Variants in ZFYVE26 observed in about 807,000 individuals in gnomAD.
ZFYVE26 encodes the protein zinc finger FYVE domain-containing protein 26.
In ZFYVE26, 181 loss-of-function variants were observed where a neutral mutation model predicts 276.5. That is an observed-to-expected ratio of 0.65 (90% confidence interval 0.58 to 0.74). The LOEUF (loss-of-function observed/expected upper bound fraction) is 0.74, where lower values mean the gene tolerates loss of function less well. ZFYVE26 is among the 30% of genes least tolerant of loss of function. The probability of loss-of-function intolerance (pLI) is 0.00; values close to 1 mark genes in which losing one functional copy is unlikely to be tolerated. For missense variants in ZFYVE26, 2,821 were observed against 3,097.9 expected, an observed-to-expected ratio of 0.91 and a Z score of 2.12; for synonymous variants, 1,129 against 1,203.1, an observed-to-expected ratio of 0.94 and a Z score of 1.27.
intron 32 of ZFYVE26, 148 bp downstream of exon 32, chr14:67,766,079 C>A (rs897166770): frequency 3.6e-6 from 3 of 823,216 alleles, no homozygotes; most frequent in African/African-American, 3.4e-5. Context: ...TCTGGCAACA[C>A]CGTTTCATCA....
intron 13 of ZFYVE26, chr14:67,733,757 G>C: frequency 1.2e-6 from 2 of 1,612,794 alleles, no homozygotes; most frequent in Non-Finnish European, 1.7e-6. Context: ...GACTGCAAGA[G>C]GACCTGGGTG....
At chr14:67,749,582 G>A (rs1367872228) in intron 41 of ZFYVE26, among the ~76,000 whole-genome samples, 1 of 152,166 alleles carries the variant, frequency 6.6e-6, no homozygotes, top group Non-Finnish European at 1.5e-5. Context: ...ATCCCTGTTG[G>A]TTAGTGGAGG....
chr14:67,807,116 AT>A (rs941593034), intron 5 of ZFYVE26, among the ~76,000 whole-genome samples: 29 of 151,810 alleles, frequency 1.9e-4, no homozygotes, highest in African/African-American at 7.0e-4. Context: ...TAATTTCTAA[AT>A]TTTTTTTGTA....
intron 13 of ZFYVE26, among the ~76,000 whole-genome samples, chr14:67,737,068 G>C (rs2038360567): frequency 6.7e-6 from 1 of 149,448 alleles, no homozygotes; most frequent in African/African-American, 2.5e-5. Context: ...GAGAATAAGT[G>C]CTTCATTTCT....
Position 67,790,530 on chromosome 14 carries a change from C to T in ZFYVE26, c.2755+42G>A, listed in dbSNP as rs777275157. 1.9e-6 allele frequency: 3 copies of T among 1,608,194 alleles called. No homozygotes were observed. The South Asian group carries it at 3.3e-5, about 18-fold the overall frequency. ...GGTTTCTCCCCTTTTACCCCCTCTC[C>T]CAGCCACCTCACCACTTATGGTGTT... On this transcript the variant is annotated intron_variant, in intron 15 of 41. Coordinates refer to ENST00000347230, the MANE Select transcript of ZFYVE26 (RefSeq NM_015346.4).
chr14:67,769,491 T>C (rs2039146841), intron 29 of ZFYVE26, 103 bp downstream of exon 29: 1 of 1,540,444 alleles, frequency 6.5e-7, no homozygotes. Flanking sequence ...GTTAAACATT[T>C]CTGGATTTGA....
intron 9 of ZFYVE26, 115 bp downstream of exon 9, chr14:67,803,986 T>C: frequency 7.0e-7 from 1 of 1,437,220 alleles, no homozygotes; most frequent in Non-Finnish European, 9.8e-7. Flanking sequence ...GGAGACCTCC[T>C]CACCACCCTC....
At position 67,733,486 on chromosome 14, in the gene ZFYVE26, G is replaced by C. The variant is rs761512; in HGVS notation, n.2680-3667C>G. Reference sequence around the variant, plus strand: ...ATATCCTAGAATGTCACTTCTGCTCGCCACTACTTTGAAATCCTTTGATTA... The same window carrying C: ...ATATCCTAGAATGTCACTTCTGCTCCCCACTACTTTGAAATCCTTTGATTA... On this transcript the variant is annotated intron_variant and non_coding_transcript_variant, in intron 13 of 14. Coordinates refer to the ZFYVE26 transcript ENST00000394455. Among the ~76,000 whole-genome samples, 79,304 of 151,854 alleles carry C rather than the reference G, an allele frequency of 0.52. 21,953 individuals are homozygous for C. The highest frequency in any genetic ancestry group is 0.63 in the Non-Finnish European group (42,600 of 67,944).
chr14:67,761,594 C>T lies in ZFYVE26; in HGVS notation c.6370-10G>A, dbSNP rs2038931242. On this transcript the variant is annotated splice_polypyrimidine_tract_variant and intron_variant, in intron 34 of 41. Coordinates refer to ENST00000347230, the MANE Select transcript of ZFYVE26 (RefSeq NM_015346.4). ...AGTAATCGTCATCTTGCTGACAGCA[C>T]AGGGAGCGAGAGAGAAAAATGAAAC... 11 of 1,613,008 alleles carry T rather than the reference C, an allele frequency of 6.8e-6. No individual in the cohort carries two copies. In the East Asian group the frequency reaches 2.2e-4, roughly 33 times the overall value.
rs753139527 is a variant in ZFYVE26, at chr14:67,781,307, C to T, written c.4569+26G>A. The T allele has an allele frequency of 1.9e-5, 30 of 1,613,454 alleles. No homozygotes were observed. The Admixed American group carries it at 2.3e-4, about 13-fold the overall frequency. On this transcript the variant is annotated intron_variant, in intron 22 of 41. Transcript: ENST00000347230. ...GATCATAGAGTGAGAAGCCCGTTCC[C>T]TTTCTCTTGATGCGAGGGCCCATAC...
chr14:67,738,553 T>A (rs1034518176), intron 13 of ZFYVE26, among the ~76,000 whole-genome samples: 5 of 151,926 alleles, frequency 3.3e-5, no homozygotes, highest in African/African-American at 1.2e-4. Context: ...AATTTCAGAA[T>A]GATGTGTTCT....
intron 12 of ZFYVE26, among the ~76,000 whole-genome samples, chr14:67,794,728 T>C (rs2039910023): frequency 6.6e-6 from 1 of 152,148 alleles, no homozygotes; most frequent in Non-Finnish European, 1.5e-5. Flanking sequence ...CAGGATAGCT[T>C]GAGGCCAGGA....
chr14:67,783,359 G>A lies in ZFYVE26; in HGVS notation c.3793C>T (p.Leu1265=), dbSNP rs1245041911. Reference sequence around the variant, plus strand: ...GGTGTAGAAAGTGGGAGGTCATCCAGGCAGTGAGAGGCGTGTAGCTGGGCC... The same window carrying A: ...GGTGTAGAAAGTGGGAGGTCATCCAAGCAGTGAGAGGCGTGTAGCTGGGCC... ...TLAQLHASHC[L]DDLPLSTPSS... The change falls in exon 21 of 42, where the codon CTG becomes TTG. Residue 1265 remains leucine (L), a synonymous_variant. Transcript: ENST00000347230. 6.2e-7 allele frequency: 1 copy of A among 1,613,382 alleles called. No individual in the cohort carries two copies.
chr14:67,800,669 G>C (rs2040057940), intron 10 of ZFYVE26, among the ~76,000 whole-genome samples: 1 of 152,078 alleles, frequency 6.6e-6, no homozygotes, highest in Admixed American at 6.6e-5. Context: ...TTTCTATGTA[G>C]ATGAGTTGGT....
At chr14:67,805,714 G>T in intron 6 of ZFYVE26, 96 bp from the exon 7 acceptor site, 2 of 1,410,076 alleles carry the variant, frequency 1.4e-6, no homozygotes, top group Non-Finnish European at 2.0e-6. Context: ...TTTTAGTACA[G>T]CAGGGAGATT....
At chr14:67,810,820 A>C (rs1450980175) in intron 3 of ZFYVE26, among the ~76,000 whole-genome samples, 1 of 152,172 alleles carries the variant, frequency 6.6e-6, no homozygotes, top group Non-Finnish European at 1.5e-5. Context: ...AAAGCTTCCC[A>C]AAGATAAGTT....
Position 67,768,435 on chromosome 14 carries a change from A to G in ZFYVE26, c.5653+82T>C, listed in dbSNP as rs1048816521. ...TGGAGTGCATAAGTTGGACAAGTAT[A>G]TCAGTCACAGCTGATATGCTGAAGA... On this transcript the variant is annotated intron_variant, in intron 30 of 41. Transcript: ENST00000347230. 2.0e-6 allele frequency: 3 copies of G among 1,477,566 alleles called. No homozygotes were observed. The Admixed American group carries it at 5.0e-5, about 25-fold the overall frequency. 91.5% of individuals were successfully genotyped at this position (1,477,566 alleles called of 1,614,324 possible).
rs370419377 is a variant in ZFYVE26, at chr14:67,762,845, A to T, written c.6012-26T>A. ...CTACAAGGAGGAAAAGGGCAAGGCC[A>T]TGAGGCTCCCTAGTGTCTTACTAAG... On this transcript the variant is annotated intron_variant, in intron 32 of 41. Coordinates refer to ENST00000347230, the MANE Select transcript of ZFYVE26 (RefSeq NM_015346.4). 7 of 1,612,798 alleles carry T rather than the reference A, an allele frequency of 4.3e-6. No individual in the cohort carries two copies. In the African/African-American group the frequency reaches 9.3e-5, roughly 22 times the overall value.
rs775294356 is a variant in ZFYVE26 at position 67,783,309 on chromosome 14, G to A, written c.3843C>T (p.Asn1281=). 7 of 1,613,056 alleles carry A rather than the reference G, an allele frequency of 4.3e-6. No homozygotes were observed. The Admixed American group carries it at 8.3e-5, about 19-fold the overall frequency. The part of the protein sequence containing the change: ...STPSSPRTTE[N]PTLERKPYSS... ...AGTAGGGCTTTCTTTCCAATGTAGGGTTCTCAGTTGTCCTCGGGGAGCTCG... is the reference window on the plus strand; with the variant it reads ...AGTAGGGCTTTCTTTCCAATGTAGGATTCTCAGTTGTCCTCGGGGAGCTCG... Residue 1281 remains asparagine, a synonymous_variant, in exon 21 of 42, where the codon AAC becomes AAT. Transcript: ENST00000347230.
Sources: gnomAD v4.1 joint callset for allele counts (sites outside exome capture counted in the v4.1 genomes callset) on GRCh38, gnomAD v4.1.1 for gene constraint, MANE v1.5 for transcripts, NCBI Gene and HGNC (gene_info 2026-07-23, HGNC 2026-07-21) for gene names.